Variants in GRIN2A observed in about 807,000 individuals in gnomAD.
GRIN2A encodes the protein glutamate ionotropic receptor NMDA type subunit 2A.
GRIN2A carries 22 observed loss-of-function variants against 113.4 expected under a neutral mutation model. That is an observed-to-expected ratio of 0.19 (90% CI 0.14 to 0.28). The LOEUF is 0.28. GRIN2A is among the 10% of genes least tolerant of loss of function. The probability of loss-of-function intolerance (pLI) is 1.00; values close to 1 mark genes in which losing one functional copy is unlikely to be tolerated. For missense variants in GRIN2A, 1,502 were observed against 1,887.0 expected, an observed-to-expected ratio of 0.80 and a Z score of 3.78; for synonymous variants, 827 against 738.4, an observed-to-expected ratio of 1.12 and a Z score of -1.94.
intron 2 of GRIN2A, among the ~76,000 whole-genome samples, chr16:10,171,812 T>G (rs905777782): frequency 3.3e-5 from 5 of 152,238 alleles, no homozygotes; most frequent in Non-Finnish European, 7.3e-5. Flanking sequence ...ATATCCATGA[T>G]GTCATTTAAA....
At chr16:9,807,451 GAGAGAA>G (rs2042005559) in intron 10 of GRIN2A, among the ~76,000 whole-genome samples, 1 of 142,954 alleles carries the variant, frequency 7.0e-6, no homozygotes, top group African/African-American at 2.6e-5. Context: ...GACAGAGAGA[GAGAGAA>G]AGAGAAAGAA....
chr16:9,810,463 C>CAGAT (rs1226290878), intron 10 of GRIN2A, among the ~76,000 whole-genome samples: 5 of 152,160 alleles, frequency 3.3e-5, no homozygotes, highest in Non-Finnish European at 5.9e-5. Context: ...CATGTCTTTG[C>CAGAT]AGATATAATT....
At chr16:9,816,065 A>T (rs541756180) in intron 10 of GRIN2A, among the ~76,000 whole-genome samples, 2 of 152,362 alleles carry the variant, frequency 1.3e-5, no homozygotes, top group East Asian at 3.9e-4. Context: ...AGTCAAAATC[A>T]TAAAGACAAA....
intron 10 of GRIN2A, among the ~76,000 whole-genome samples, chr16:9,804,475 C>T (rs1373868997): frequency 6.6e-6 from 1 of 151,994 alleles, no homozygotes; most frequent in Non-Finnish European, 1.5e-5. Context: ...TGTCTTTGTG[C>T]CACATTCTCA....
At chr16:9,989,003 C>T (rs760346320) in intron 2 of GRIN2A, among the ~76,000 whole-genome samples, 5 of 152,158 alleles carry the variant, frequency 3.3e-5, no homozygotes, top group East Asian at 1.9e-4. Context: ...AATCTTGATA[C>T]GTGACCTGAT....
At chr16:9,796,557 G>T (rs145741112) in intron 11 of GRIN2A, among the ~76,000 whole-genome samples, 1 of 152,238 alleles carries the variant, frequency 6.6e-6, no homozygotes, top group Non-Finnish European at 1.5e-5. Flanking sequence ...TTGGACAGAA[G>T]GATGTTAGCA....
chr16:10,160,109 C>T (rs372915606), intron 2 of GRIN2A, among the ~76,000 whole-genome samples: 6 of 152,316 alleles, frequency 3.9e-5, no homozygotes, highest in South Asian at 2.1e-4. Flanking sequence ...GGTAAAAGTG[C>T]GTTTCCTTCA....
intron 2 of GRIN2A, among the ~76,000 whole-genome samples, chr16:10,066,143 C>T (rs896467898): frequency 7.9e-5 from 12 of 152,296 alleles, no homozygotes; most frequent in South Asian, 6.2e-4. Context: ...CTCTTCATCA[C>T]GGCAGAATTT....
chr16:9,794,305 T>A (rs1190229514), intron 11 of GRIN2A, among the ~76,000 whole-genome samples: 1 of 152,118 alleles, frequency 6.6e-6, no homozygotes, highest in African/African-American at 2.4e-5. Context: ...ATTAGGAAAA[T>A]TTTTTATACT....
intron 2 of GRIN2A, among the ~76,000 whole-genome samples, chr16:10,046,027 A>T (rs1474486230): frequency 6.6e-6 from 1 of 152,160 alleles, no homozygotes; most frequent in African/African-American, 2.4e-5. Flanking sequence ...ATATCGCCAG[A>T]CTATTACCCT....
chr16:10,119,886 C>T (rs2048801420), intron 2 of GRIN2A, among the ~76,000 whole-genome samples: 1 of 152,158 alleles, frequency 6.6e-6, no homozygotes, highest in Non-Finnish European at 1.5e-5. Flanking sequence ...CCTCTGGCTC[C>T]ATCCATGTTG....
chr16:10,044,085 A>G (rs2047219421), intron 2 of GRIN2A, among the ~76,000 whole-genome samples: 1 of 148,920 alleles, frequency 6.7e-6, no homozygotes, highest in African/African-American at 2.5e-5. Context: ...AGAGTGCCTC[A>G]CTCTGTAGCC....
chr16:10,051,809 C>A (rs948619686), intron 2 of GRIN2A, among the ~76,000 whole-genome samples: 1 of 152,210 alleles, frequency 6.6e-6, no homozygotes, highest in Non-Finnish European at 1.5e-5. Context: ...ACCCTGCCTT[C>A]TCTGCCAGGC....
intron 2 of GRIN2A, among the ~76,000 whole-genome samples, chr16:10,072,390 C>G (rs2047771066): frequency 6.6e-6 from 1 of 152,190 alleles, no homozygotes; most frequent in Non-Finnish European, 1.5e-5. Flanking sequence ...AAACAAGTAC[C>G]TACAATTTTA....
rs200706362 is a variant in GRIN2A, at chr16:10,145,508, G to GT, written c.414+34489dup. On this transcript the variant is annotated intron_variant, in intron 2 of 12. Transcript: ENST00000330684. ...ATATTATTTAGATGTCAATGCAGCT[G>GT]TTTTTAAAAAAAAAAAATTGACCAT... Among the ~76,000 whole-genome samples, 36 of 126,614 alleles carry GT rather than the reference G, an allele frequency of 2.8e-4. No individual in the cohort carries two copies. The East Asian group carries it at 3.7e-3, about 13-fold the overall frequency. The allele number at this position is 126,614 out of a possible 152,430, so 83.1% of individuals were successfully genotyped here. A position where few individuals can be genotyped will look rare whatever the true frequency, so the allele number is the denominator to read the frequency against.
chr16:10,155,492 T>A (rs186889156), intron 2 of GRIN2A, among the ~76,000 whole-genome samples: 13 of 152,300 alleles, frequency 8.5e-5, no homozygotes, highest in Admixed American at 5.2e-4. Context: ...ATAGTGGACA[T>A]CCCTTCTACA....
intron 2 of GRIN2A, among the ~76,000 whole-genome samples, chr16:10,122,343 G>A (rs1330110972): frequency 6.6e-6 from 1 of 152,190 alleles, no homozygotes; most frequent in Non-Finnish European, 1.5e-5. Context: ...TAATCCAAGT[G>A]AACTCTCTTT....
intron 4 of GRIN2A, 139 bp downstream of exon 4, chr16:9,890,847 A>G: frequency 1.5e-6 from 1 of 678,878 alleles, no homozygotes; most frequent in Admixed American, 2.1e-5. Context: ...CCTTGTTGCA[A>G]GAAAGACGTG....
intron 11 of GRIN2A, among the ~76,000 whole-genome samples, chr16:9,781,366 CT>C (rs930615462): frequency 3.9e-5 from 6 of 152,022 alleles, no homozygotes; most frequent in Non-Finnish European, 5.9e-5. Flanking sequence ...GGAAACAAAA[CT>C]TTTTTTTCTT....
Sources: allele counts gnomAD v4.1 joint callset (sites outside exome capture counted in the v4.1 genomes callset), GRCh38; gene constraint gnomAD v4.1.1; transcripts MANE v1.5; gene names NCBI Gene and HGNC (gene_info 2026-07-23, HGNC 2026-07-21).